WWOX: variants seen among roughly 807,000 people sequenced by gnomAD.
WWOX encodes the protein WW domain-containing oxidoreductase.
Under a neutral mutation model 46.2 loss-of-function variants are expected in WWOX, and 69 were observed. The ratio of observed to expected loss-of-function variants is 1.49; its 90% CI spans 1.23 to 1.82. The LOEUF (loss-of-function observed/expected upper bound fraction) is 1.82, where lower values mean the gene tolerates loss of function less well. Ranked by LOEUF, WWOX falls within the 40% of genes most tolerant of loss-of-function variation. The pLI is 0.00. For synonymous variants in WWOX, 359 were observed against 202.6 expected (o/e 1.77, Z -6.56); for missense variants, 919 against 542.6 (o/e 1.69, Z -6.89).
At chr16:79,121,011 CACCT>C (rs1374126631) in intron 8 of WWOX, among the ~76,000 whole-genome samples, 1 of 152,218 alleles carries the variant, frequency 6.6e-6, no homozygotes. Flanking sequence ...TCAGGTGATC[CACCT>C]GCCTTGGCCT....
chr16:78,326,439 A>G (rs1394455432), intron 5 of WWOX, among the ~76,000 whole-genome samples: 3 of 152,076 alleles, frequency 2.0e-5, no homozygotes, highest in Admixed American at 1.3e-4. Flanking sequence ...CAAGGGGTTG[A>G]ACGTTGTTAT....
rs71140804 is a variant in WWOX at position 78,495,145 on chromosome 16, C to CTTTTTTTTTTTTT, written c.1056+62395_1056+62407dup. Among the ~76,000 whole-genome samples, 36 of 116,594 alleles carry CTTTTTTTTTTTTT rather than the reference C, an allele frequency of 3.1e-4. 1 individual carries two copies. Among genetic ancestry groups the CTTTTTTTTTTTTT allele is most frequent in the South Asian group, 5.4e-4 (2 of 3,702 alleles). 76.5% of individuals were successfully genotyped at this position (116,594 alleles called of 152,430 possible). ...AAGATTAGTAGTAGACTGTTGTGTT[C>CTTTTTTTTTTTTT]TTTTTTTTTTTTTTGAGATAGACTC... On this transcript the variant is annotated intron_variant, in intron 8 of 8. Coordinates refer to ENST00000566780, the MANE Select transcript of WWOX (RefSeq NM_016373.4).
intron 6 of WWOX, among the ~76,000 whole-genome samples, chr16:78,422,682 T>TATATATATATATATAC: frequency 1.3e-5 from 1 of 74,444 alleles, no homozygotes; most frequent in East Asian, 3.3e-4. Context: ...TATATATATA[T>TATATATATATATATAC]ATACACACAC....
At chr16:79,160,394 C>A (rs146826666) in intron 8 of WWOX, among the ~76,000 whole-genome samples, 1 of 152,196 alleles carries the variant, frequency 6.6e-6, no homozygotes, top group Non-Finnish European at 1.5e-5. Flanking sequence ...ACCTGCATTC[C>A]CCTAGACAAA....
intron 5 of WWOX, among the ~76,000 whole-genome samples, chr16:78,241,928 C>A (rs1349814987): frequency 6.6e-6 from 1 of 152,162 alleles, no homozygotes; most frequent in Non-Finnish European, 1.5e-5. Flanking sequence ...GCTTTTGAGG[C>A]AGACAAATGC....
chr16:78,827,208 C>T (rs976857380), intron 8 of WWOX, among the ~76,000 whole-genome samples: 1 of 152,132 alleles, frequency 6.6e-6, no homozygotes, highest in Non-Finnish European at 1.5e-5. Context: ...GCATGAAAAC[C>T]TGAATGGCTG....
At chr16:78,900,792 T>C (rs1472752957) in intron 8 of WWOX, among the ~76,000 whole-genome samples, 1 of 152,050 alleles carries the variant, frequency 6.6e-6, no homozygotes, top group Non-Finnish European at 1.5e-5. Context: ...ATAACCTCTC[T>C]TTTTTATTTG....
chr16:78,639,921 A>C (rs1032002888), intron 8 of WWOX, among the ~76,000 whole-genome samples: 22 of 152,220 alleles, frequency 1.4e-4, no homozygotes, highest in Admixed American at 1.4e-3. Context: ...TGGTGATCTA[A>C]TGTCAACTGT....
chr16:78,378,572 C>T (rs1376707935), intron 5 of WWOX, among the ~76,000 whole-genome samples: 1 of 152,188 alleles, frequency 6.6e-6, no homozygotes, highest in African/African-American at 2.4e-5. Context: ...AGTTAGATTT[C>T]TATTGTAGTT....
intron 8 of WWOX, among the ~76,000 whole-genome samples, chr16:78,651,287 C>T (rs537540103): frequency 1.4e-4 from 22 of 152,212 alleles, no homozygotes; most frequent in Non-Finnish European, 1.9e-4. Flanking sequence ...TGAGTGCGAG[C>T]GAGAGAGCCC....
At chr16:78,445,113 C>T (rs755432893) in intron 8 of WWOX, among the ~76,000 whole-genome samples, 32 of 152,136 alleles carry the variant, frequency 2.1e-4, no homozygotes, top group African/African-American at 4.8e-4. Context: ...CGTACCACCT[C>T]GTGGGGTGAA....
At chr16:79,026,612 C>CTTTTT (rs1324687983) in intron 8 of WWOX, among the ~76,000 whole-genome samples, 1 of 123,360 alleles carries the variant, frequency 8.1e-6, no homozygotes, top group African/African-American at 3.2e-5. Context: ...ATGTGGTAGA[C>CTTTTT]TCTTTTTTTT....
chr16:78,175,788 C>G (rs951844371), intron 5 of WWOX, among the ~76,000 whole-genome samples: 3 of 152,232 alleles, frequency 2.0e-5, no homozygotes, highest in African/African-American at 7.2e-5. Context: ...CCACTATGCT[C>G]TGGGGGAATT....
intron 8 of WWOX, among the ~76,000 whole-genome samples, chr16:78,888,334 T>C (rs1348068596): frequency 6.6e-6 from 1 of 152,158 alleles, no homozygotes; most frequent in African/African-American, 2.4e-5. Context: ...GTTGTTTCCT[T>C]CTCAGAACTG....
intron 5 of WWOX, among the ~76,000 whole-genome samples, chr16:78,309,171 A>T (rs1251128838): frequency 1.3e-5 from 2 of 152,170 alleles, no homozygotes. Flanking sequence ...CAATCCCGAC[A>T]TGTCAAGGGA....
chr16:78,870,114 C>T (rs969325909), intron 8 of WWOX, among the ~76,000 whole-genome samples: 11 of 152,162 alleles, frequency 7.2e-5, no homozygotes, highest in Non-Finnish European at 1.3e-4. Context: ...CCTAAGTGCT[C>T]TGACAGGGCA....
intron 8 of WWOX, chr16:78,872,920 C>A (rs917056609): frequency 6.6e-6 from 1 of 152,428 alleles, no homozygotes; most frequent in African/African-American, 2.4e-5. Context: ...ATGTTGACCT[C>A]CTTTGTATCT....
At chr16:78,658,623 G>C (rs1471922685) in intron 8 of WWOX, among the ~76,000 whole-genome samples, 3 of 152,156 alleles carry the variant, frequency 2.0e-5, no homozygotes, top group African/African-American at 7.2e-5. Context: ...TCGTCGGCTT[G>C]TGGCAGCAGA....
intron 5 of WWOX, among the ~76,000 whole-genome samples, chr16:78,231,208 A>G (rs1231938254): frequency 6.6e-6 from 1 of 152,186 alleles, no homozygotes; most frequent in African/African-American, 2.4e-5. Flanking sequence ...TTCCTTTCAA[A>G]CCAAACTCTT....
Sources: gnomAD v4.1 joint callset for allele counts (sites outside exome capture counted in the v4.1 genomes callset) on GRCh38, gnomAD v4.1.1 for gene constraint, MANE v1.5 for transcripts, NCBI Gene and HGNC (gene_info 2026-07-23, HGNC 2026-07-21) for gene names.